Variants in CHMP4B observed in about 807,000 individuals in gnomAD.
CHMP4B encodes the protein SNF7 homolog associated with Alix 1.
Under a neutral mutation model 25.1 loss-of-function variants are expected in CHMP4B, and 1 was observed. The ratio of observed to expected loss-of-function variants is 0.04; its 90% CI spans 0.01 to 0.19. The LOEUF is 0.19. Ranked by LOEUF, CHMP4B falls within the 10% of genes least tolerant of loss-of-function variation. The probability of loss-of-function intolerance (pLI) is 1.00; values close to 1 mark genes in which losing one functional copy is unlikely to be tolerated. For missense variants in CHMP4B, 151 were observed against 289.7 expected, an observed-to-expected ratio of 0.52 and a Z score of 3.48; for synonymous variants, 101 against 115.6, an observed-to-expected ratio of 0.87 and a Z score of 0.81.
At chr20:33,845,589 G>A (rs1458886391) in intron 1 of CHMP4B, among the ~76,000 whole-genome samples, 1 of 152,132 alleles carries the variant, frequency 6.6e-6, no homozygotes, top group Non-Finnish European at 1.5e-5. Context: ...TCCCAAAGTG[G>A]TGGGATTACA....
At position 33,851,012 on chromosome 20, in the gene CHMP4B, G is replaced by A; in HGVS notation, c.429G>A (p.Glu143=). 6.2e-7 allele frequency: 1 copy of A among 1,614,184 alleles called. No individual in the cohort carries two copies. The highest frequency in any genetic ancestry group is 8.5e-7 in the Non-Finnish European group (1 of 1,179,972). Residue 143 remains glutamate, a synonymous_variant, in exon 3 of 5, where the codon GAG becomes GAA. Transcript: ENST00000217402. ...TTGCTGACCAGCAAGAACTTGCAGAGGAGATTTCAACAGCAATTTCGAAAC... is the reference window on the plus strand; with the variant it reads ...TTGCTGACCAGCAAGAACTTGCAGAAGAGATTTCAACAGCAATTTCGAAAC... The part of the protein sequence containing the change: ...QDIADQQELA[E]EISTAISKPV...
In CHMP4B at chr20:33,852,026, G is replaced by A. The variant is rs375693129; in HGVS notation, c.484-51G>A. 95 of 1,611,984 alleles carry A rather than the reference G, an allele frequency of 5.9e-5. No individual in the cohort carries two copies. In the Middle Eastern group the frequency reaches 1.1e-3, roughly 18 times the overall value. On this transcript the variant is annotated intron_variant, in intron 3 of 4. Coordinates refer to ENST00000217402, the MANE Select transcript of CHMP4B (RefSeq NM_176812.5). ...TTAATTAGGTAGGAGGCATGACCGC[G>A]GGGGCTGGGATTCCCAGGGAGGGCG...
At chr20:33,823,270 A>G (rs1335559767) in intron 1 of CHMP4B, among the ~76,000 whole-genome samples, 1 of 152,076 alleles carries the variant, frequency 6.6e-6, no homozygotes, top group East Asian at 1.9e-4. Flanking sequence ...GTATTATCCT[A>G]TTTTAGAGAT....
chr20:33,853,592 C>G lies in CHMP4B; in HGVS notation c.*32C>G, dbSNP rs368950498. On this transcript the variant is annotated 3_prime_UTR_variant, in exon 5 of 5. Transcript: ENST00000217402. ...CCAGCGCTGGCTGGGCCCAGACAGA[C>G]TGTGGTGGCCTGCGCAGCGAGCAGG... 1.9e-6 allele frequency: 3 copies of G among 1,593,906 alleles called. No individual in the cohort carries two copies. The highest frequency in any genetic ancestry group is 2.6e-6 in the Non-Finnish European group (3 of 1,161,876).
At chr20:33,851,145 T>C in intron 3 of CHMP4B, 79 bp downstream of exon 3, 1 of 917,308 alleles carries the variant, frequency 1.1e-6, no homozygotes, top group Non-Finnish European at 1.8e-6. Flanking sequence ...TTGAAGGCTC[T>C]CAGGCAGGGA....
chr20:33,854,352 C>T lies in CHMP4B; in HGVS notation c.*792C>T, dbSNP rs747831931. The T allele has an allele frequency of 3.3e-5, 5 of 152,624 alleles. No homozygotes were observed. The highest frequency in any genetic ancestry group is 1.2e-4 in the African/African-American group (5 of 41,422). The allele number at this position is 152,624 out of a possible 1,614,324, so 9.5% of individuals were successfully genotyped here. On this transcript the variant is annotated 3_prime_UTR_variant, in exon 5 of 5. Coordinates refer to ENST00000217402, the MANE Select transcript of CHMP4B (RefSeq NM_176812.5). The stretch of plus-strand genomic sequence containing the variant: ...GGTTTGCACTGTCTATTAAATATCT[C>T]GATTAATTTTCATACTTTGCTGTTG...
chr20:33,827,812 C>T (rs569983979), intron 1 of CHMP4B, among the ~76,000 whole-genome samples: 8 of 152,292 alleles, frequency 5.3e-5, no homozygotes, highest in African/African-American at 1.9e-4. Context: ...CTCACTGACC[C>T]GCCTTTGGGG....
chr20:33,827,961 G>A (rs1270579192), intron 1 of CHMP4B, among the ~76,000 whole-genome samples: 1 of 152,216 alleles, frequency 6.6e-6, no homozygotes, highest in East Asian at 1.9e-4. Context: ...AATGGTCCTG[G>A]TGGTGTCAGA....
intron 1 of CHMP4B, among the ~76,000 whole-genome samples, chr20:33,834,211 TTC>T (rs1279963876): frequency 1.3e-5 from 2 of 152,192 alleles, no homozygotes; most frequent in African/African-American, 4.8e-5. Flanking sequence ...TTCATTGACC[TTC>T]TTTCTCTTTT....
At position 33,845,294 on chromosome 20, in the gene CHMP4B, G is replaced by A. The variant is rs539990976; in HGVS notation, c.191-3173G>A. ...GCCGTTGCTTGTTCACCATCACTCA[G>A]CAGGCTCTTGGAAGGCCTTGGTGAA... On this transcript the variant is annotated intron_variant, in intron 1 of 4. Transcript: ENST00000217402. Among the ~76,000 whole-genome samples the A allele has an allele frequency of 7.9e-5, 12 of 152,084 alleles. No homozygotes were observed. The South Asian group carries it at 2.3e-3, about 29-fold the overall frequency.
At chr20:33,824,393 G>C (rs1409751186) in intron 1 of CHMP4B, among the ~76,000 whole-genome samples, 1 of 152,202 alleles carries the variant, frequency 6.6e-6, no homozygotes, top group Non-Finnish European at 1.5e-5. Context: ...GGCTGTGTCA[G>C]TAGTGGGTGT....
intron 1 of CHMP4B, among the ~76,000 whole-genome samples, chr20:33,815,675 A>G (rs1418105823): frequency 6.6e-6 from 1 of 152,240 alleles, no homozygotes; most frequent in African/African-American, 2.4e-5. Context: ...AGTGCTTTGC[A>G]CATGGTTAAT....
chr20:33,853,222 TGTG>T (rs1979905023), intron 4 of CHMP4B, among the ~76,000 whole-genome samples: 1 of 152,156 alleles, frequency 6.6e-6, no homozygotes, highest in Non-Finnish European at 1.5e-5. Context: ...ACCGAAGCCT[TGTG>T]GGAATCCTGA....
intron 1 of CHMP4B, among the ~76,000 whole-genome samples, chr20:33,846,028 G>A (rs1028176266): frequency 6.6e-6 from 1 of 152,218 alleles, no homozygotes. Context: ...GGATTTTTCA[G>A]CAAAGGAATC....
At chr20:33,840,015 G>C (rs1210354775) in intron 1 of CHMP4B, among the ~76,000 whole-genome samples, 1 of 152,152 alleles carries the variant, frequency 6.6e-6, no homozygotes, top group Non-Finnish European at 1.5e-5. Flanking sequence ...AATGTTAGCT[G>C]CTGTTATATA....
At chr20:33,828,927 G>A (rs1359619167) in intron 1 of CHMP4B, among the ~76,000 whole-genome samples, 1 of 151,160 alleles carries the variant, frequency 6.6e-6, no homozygotes, top group Admixed American at 6.5e-5. Context: ...TAGCAGTCTA[G>A]GACTTGAGAA....
intron 1 of CHMP4B, among the ~76,000 whole-genome samples, chr20:33,839,543 A>T (rs181440475): frequency 9.2e-5 from 14 of 152,166 alleles, no homozygotes; most frequent in Admixed American, 3.9e-4. Flanking sequence ...TAGAAAAAAA[A>T]TTTTTTTCCA....
intron 1 of CHMP4B, among the ~76,000 whole-genome samples, chr20:33,814,457 G>A (rs115234980): frequency 2.6e-5 from 4 of 152,146 alleles, no homozygotes; most frequent in African/African-American, 4.8e-5. Context: ...CACCTGTTTG[G>A]GGGGAAGGAT....
At chr20:33,814,598 A>G (rs1334203419) in intron 1 of CHMP4B, among the ~76,000 whole-genome samples, 1 of 152,136 alleles carries the variant, frequency 6.6e-6, no homozygotes, top group Admixed American at 6.6e-5. Context: ...AGTGGCCTGT[A>G]GTCTTTGGAC....
Sources: allele counts gnomAD v4.1 joint callset (sites outside exome capture counted in the v4.1 genomes callset), GRCh38; gene constraint gnomAD v4.1.1; transcripts MANE v1.5; gene names NCBI Gene and HGNC (gene_info 2026-07-23, HGNC 2026-07-21).